CHN1: variants seen among roughly 807,000 people sequenced by gnomAD.
CHN1 encodes N-chimaerin.
CHN1 carries 37 observed loss-of-function variants against 59.5 expected under a neutral mutation model. The ratio of observed to expected loss-of-function variants is 0.62; its 90% CI spans 0.48 to 0.82. CHN1 has a LOEUF of 0.82. Among genes scored for constraint, CHN1 ranks in the 40% least tolerant of loss-of-function variants. The pLI is 0.00. For missense variants in CHN1, 469 were observed against 571.0 expected (o/e 0.82, Z 1.82); for synonymous variants, 206 against 200.4 (o/e 1.03, Z -0.24).
chr2:174,830,334 C>T (rs1685835506), intron 7 of CHN1, among the ~76,000 whole-genome samples: 1 of 152,184 alleles, frequency 6.6e-6, no homozygotes, highest in Middle Eastern at 3.2e-3. Flanking sequence ...ATACATAACA[C>T]TGGCTATGAT....
chr2:174,876,606 C>T (rs528595229), intron 6 of CHN1, among the ~76,000 whole-genome samples: 2 of 152,250 alleles, frequency 1.3e-5, no homozygotes, highest in East Asian at 1.9e-4. Context: ...TACAGCTTAT[C>T]CTTTTAAATG....
intron 1 of CHN1, among the ~76,000 whole-genome samples, chr2:174,979,540 C>T (rs1295558660): frequency 1.3e-5 from 2 of 152,072 alleles, no homozygotes; most frequent in Admixed American, 6.6e-5. Flanking sequence ...TAGGGCTGGG[C>T]GCGGTGGCTC....
chr2:174,809,026 A>T lies in CHN1; in HGVS notation c.981T>A (p.Asp327Glu), dbSNP rs770666588. The change falls in exon 11 of 13, where the codon GAT becomes GAA. Residue 327 changes from aspartate to glutamate, a missense_variant. Transcript: ENST00000409900. ...MAFDRDGEKADISVNMYEDIN... is the reference protein window; with the variant it reads ...MAFDRDGEKAEISVNMYEDIN... ...TATCTTCATACATGTTCACAGAAAT[A>T]TCTGCCTTCTCACCATCTTTTAAGG... is the stretch of plus-strand genomic sequence containing the variant. The T allele has an allele frequency of 1.9e-6, 3 of 1,608,954 alleles. No individual in the cohort carries two copies. Among genetic ancestry groups the T allele is most frequent in the Non-Finnish European group, 1.7e-6 (2 of 1,177,634 alleles).
chr2:174,927,574 CT>C (rs1049378981), intron 3 of CHN1, among the ~76,000 whole-genome samples: 2 of 151,952 alleles, frequency 1.3e-5, no homozygotes, highest in African/African-American at 4.8e-5. Context: ...AATGTTATTT[CT>C]TTTTTTTATT....
intron 3 of CHN1, among the ~76,000 whole-genome samples, chr2:174,938,817 T>C (rs1462796046): frequency 1.3e-5 from 2 of 151,974 alleles, no homozygotes; most frequent in Admixed American, 1.3e-4. Flanking sequence ...GCCCACCAAT[T>C]TAGTCATTAG....
intron 6 of CHN1, among the ~76,000 whole-genome samples, chr2:174,866,685 A>C (rs1370136599): frequency 6.6e-6 from 1 of 152,186 alleles, no homozygotes; most frequent in Non-Finnish European, 1.5e-5. Context: ...AATTATGGAA[A>C]TCCTTTCCTC....
chr2:174,929,974 T>TA (rs1689287199), intron 3 of CHN1, among the ~76,000 whole-genome samples: 1 of 152,232 alleles, frequency 6.6e-6, no homozygotes, highest in African/African-American at 2.4e-5. Flanking sequence ...GGAGAGTGGC[T>TA]ATAAATTCAA....
rs529218612 is a variant in CHN1, at chr2:174,839,368, T to C, written c.627+7512A>G. Among the ~76,000 whole-genome samples the C allele has an allele frequency of 2.3e-4, 35 of 152,286 alleles. No individual in the cohort carries two copies. The South Asian group carries it at 7.0e-3, about 31-fold the overall frequency. ...TTAATAAAGGAAATCCTGCCGTATATGACACCATGAGATGAACCTGGAGGA... is the reference window on the plus strand; with the variant it reads ...TTAATAAAGGAAATCCTGCCGTATACGACACCATGAGATGAACCTGGAGGA... On this transcript the variant is annotated intron_variant, in intron 7 of 12. Coordinates refer to ENST00000409900, the MANE Select transcript of CHN1 (RefSeq NM_001822.7).
chr2:174,803,929 T>A (rs1223448427), intron 11 of CHN1, among the ~76,000 whole-genome samples: 1 of 152,230 alleles, frequency 6.6e-6, no homozygotes, highest in African/African-American at 2.4e-5. Context: ...AGTTTCCTTT[T>A]AATTTCCACA....
intron 12 of CHN1, 60 bp from the exon 13 acceptor site, chr2:174,800,347 C>T: frequency 8.1e-7 from 1 of 1,240,458 alleles, no homozygotes; most frequent in Non-Finnish European, 1.1e-6. Context: ...CTTCATTGTG[C>T]TTGAACACTA....
chr2:174,843,596 G>A (rs1458984154), intron 7 of CHN1, among the ~76,000 whole-genome samples: 1 of 151,646 alleles, frequency 6.6e-6, no homozygotes, highest in Non-Finnish European at 1.5e-5. Flanking sequence ...CAGTCCCCAC[G>A]ATCATGCTAA....
intron 5 of CHN1, among the ~76,000 whole-genome samples, chr2:174,892,444 G>A (rs554650136): frequency 2.6e-5 from 4 of 152,280 alleles, no homozygotes; most frequent in African/African-American, 9.6e-5. Context: ...TGGAAGCACA[G>A]TCTGGGCCCT....
intron 5 of CHN1, among the ~76,000 whole-genome samples, chr2:174,900,512 C>T (rs554386738): frequency 8.5e-5 from 13 of 152,068 alleles, no homozygotes; most frequent in South Asian, 4.2e-4. Flanking sequence ...ATTTTTAAAA[C>T]GTAACCATCA....
At chr2:174,952,636 C>T (rs1229038186) in intron 1 of CHN1, among the ~76,000 whole-genome samples, 3 of 152,098 alleles carry the variant, frequency 2.0e-5, no homozygotes, top group Non-Finnish European at 4.4e-5. Flanking sequence ...TATTATTTTC[C>T]CCCGTTACAT....
rs192357090 is a variant in CHN1, at chr2:174,986,444, T to C, written c.19+18450A>G. 1.1e-4 allele frequency among the ~76,000 whole-genome samples: 16 copies of C among 152,280 alleles called. No homozygotes were observed. In the East Asian group the frequency reaches 1.7e-3, roughly 17 times the overall value. ...TTTACAGATTAAGAGTTAAGATACA[T>C]AGTATGTAAAGACGAAAACAAACAC... is the stretch of plus-strand genomic sequence containing the variant. On this transcript the variant is annotated intron_variant, in intron 1 of 12. Coordinates refer to ENST00000409900, the MANE Select transcript of CHN1 (RefSeq NM_001822.7).
intron 6 of CHN1, 90 bp downstream of exon 6, chr2:174,877,750 T>C: frequency 8.5e-7 from 1 of 1,177,808 alleles, no homozygotes; most frequent in East Asian, 2.4e-5. Flanking sequence ...TCCAAAGCAC[T>C]GTGGATAAAT....
intron 1 of CHN1, among the ~76,000 whole-genome samples, chr2:174,955,102 T>C (rs1434091741): frequency 6.7e-6 from 1 of 149,044 alleles, no homozygotes; most frequent in Non-Finnish European, 1.5e-5. Context: ...TATCTATATA[T>C]ATAGATCTAT....
intron 7 of CHN1, among the ~76,000 whole-genome samples, chr2:174,834,278 A>T (rs1226177075): frequency 6.6e-6 from 1 of 152,184 alleles, no homozygotes; most frequent in African/African-American, 2.4e-5. Flanking sequence ...TTTTTGCCTT[A>T]AAGAGTCAAC....
At chr2:174,848,893 A>G (rs564225955) in intron 6 of CHN1, among the ~76,000 whole-genome samples, 1 of 152,198 alleles carries the variant, frequency 6.6e-6, no homozygotes, top group Non-Finnish European at 1.5e-5. Context: ...TGCAATGGAA[A>G]AAGTCTCCTT....
Sources: allele counts gnomAD v4.1 joint callset (sites outside exome capture counted in the v4.1 genomes callset), GRCh38; gene constraint gnomAD v4.1.1; transcripts MANE v1.5; gene names NCBI Gene and HGNC (gene_info 2026-07-23, HGNC 2026-07-21).